INTU: variants seen among roughly 807,000 people sequenced by gnomAD.
INTU encodes protein inturned.
INTU carries 68 observed loss-of-function variants against 100.5 expected under a neutral mutation model. That is an observed-to-expected ratio of 0.68 (90% CI 0.56 to 0.83). INTU has a LOEUF of 0.83. INTU is among the 40% of genes least tolerant of loss of function. The pLI is 0.00. For missense variants in INTU, 1,071 were observed against 1,114.7 expected (o/e 0.96, Z 0.56); for synonymous variants, 357 against 395.7 (o/e 0.90, Z 1.16).
chr4:127,713,279 A>G (rs1294799685), intron 14 of INTU, among the ~76,000 whole-genome samples: 1 of 152,160 alleles, frequency 6.6e-6, no homozygotes, highest in African/African-American at 2.4e-5. Context: ...TGGACTGTGG[A>G]TATATTTTGG....
At position 127,669,045 on chromosome 4, in the gene INTU, C is replaced by T. The variant is rs149126116; in HGVS notation, c.982C>T (p.Leu328Phe). ...TTGTTTCATTTAACAGCAGGAAATTCTTTATCATTATCCAATGTCTGAAGC... is the reference window on the plus strand; with the variant it reads ...TTGTTTCATTTAACAGCAGGAAATTTTTTATCATTATCCAATGTCTGAAGC... ...SETSKEEQEI[L>F]YHYPMSEASQ... Residue 328 changes from leucine (L) to phenylalanine (F), a missense_variant, in exon 5 of 16, where the codon CTT becomes TTT. Leu to Phe is a conservative substitution (Grantham distance 22). Coordinates refer to ENST00000335251, the MANE Select transcript of INTU (RefSeq NM_015693.4). 2 of 1,450,892 alleles carry T rather than the reference C, an allele frequency of 1.4e-6. No individual in the cohort carries two copies. Among genetic ancestry groups the T allele is most frequent in the Non-Finnish European group, 1.9e-6 (2 of 1,062,848 alleles). The allele number at this position is 1,450,892 out of a possible 1,614,324, so 89.9% of individuals were successfully genotyped here. A position where few individuals can be genotyped will look rare whatever the true frequency, so the allele number is the denominator to read the frequency against.
At chr4:127,688,206 CA>C (rs80107806) in intron 8 of INTU, among the ~76,000 whole-genome samples, 1,432 of 114,944 alleles carry the variant, frequency 0.012, 20 homozygotes, top group African/African-American at 0.035. Context: ...TGTTTCTGTA[CA>C]AAAAAAAAAA....
chr4:127,635,192 T>C (rs1374025607), intron 1 of INTU, among the ~76,000 whole-genome samples: 1 of 152,182 alleles, frequency 6.6e-6, no homozygotes, highest in Non-Finnish European at 1.5e-5. Flanking sequence ...GAGATAAAAT[T>C]ACATTATGGT....
At chr4:127,678,371 A>T (rs1197939282) in intron 6 of INTU, among the ~76,000 whole-genome samples, 1 of 152,224 alleles carries the variant, frequency 6.6e-6, no homozygotes, top group African/African-American at 2.4e-5. Context: ...GTTACCCACA[A>T]AGGGAAGCCC....
At position 127,706,557 on chromosome 4, in the gene INTU, C is replaced by G. The variant is rs150996112; in HGVS notation, c.1859C>G (p.Pro620Arg). 1 of 1,613,802 alleles carries G rather than the reference C, an allele frequency of 6.2e-7. No individual in the cohort carries two copies. Among genetic ancestry groups the G allele is most frequent in the African/African-American group, 1.3e-5 (1 of 74,878 alleles). ...CASKAIGSPG[P>R]DCVYVDQVKT... ...TCCAAAGCTATTGGGAGTCCTGGAC[C>G]AGACTGTGTATATGTGGATCAAGTC... The change falls in exon 12 of 16, where the codon CCA becomes CGA. Residue 620 changes from proline (P) to arginine (R), a missense_variant. Transcript: ENST00000335251.
At chr4:127,644,365 A>G (rs961281697) in intron 2 of INTU, among the ~76,000 whole-genome samples, 4 of 152,204 alleles carry the variant, frequency 2.6e-5, no homozygotes, top group Non-Finnish European at 4.4e-5. Context: ...AAGAAAAAAA[A>G]CGTTGATCAT....
intron 7 of INTU, chr4:127,686,764 G>A (rs957822600): frequency 2.0e-5 from 3 of 152,258 alleles, no homozygotes; most frequent in African/African-American, 7.2e-5. Context: ...TAGAACATAA[G>A]CTTCATGGGA....
At chr4:127,640,363 T>C (rs955502148) in intron 1 of INTU, among the ~76,000 whole-genome samples, 1 of 151,354 alleles carries the variant, frequency 6.6e-6, no homozygotes, top group African/African-American at 2.4e-5. Flanking sequence ...TGTGTGGGGG[T>C]CTCTTATTTA....
At chr4:127,712,606 A>G (rs1731133844) in intron 14 of INTU, among the ~76,000 whole-genome samples, 1 of 152,180 alleles carries the variant, frequency 6.6e-6, no homozygotes, top group Non-Finnish European at 1.5e-5. Flanking sequence ...TAGTATGCTG[A>G]GAAGAATCAG....
intron 8 of INTU, among the ~76,000 whole-genome samples, chr4:127,691,663 G>A (rs950035340): frequency 9.2e-5 from 14 of 151,660 alleles, no homozygotes; most frequent in African/African-American, 3.2e-4. Context: ...GTCCATTAGT[G>A]GCAATTTCTG....
chr4:127,670,463 C>A (rs1233389086), intron 5 of INTU, among the ~76,000 whole-genome samples: 2 of 151,840 alleles, frequency 1.3e-5, no homozygotes, highest in Non-Finnish European at 2.9e-5. Flanking sequence ...AGTTTATTTT[C>A]AATACAGTAG....
intron 1 of INTU, among the ~76,000 whole-genome samples, chr4:127,635,543 A>G (rs972192813): frequency 3.3e-5 from 5 of 152,256 alleles, no homozygotes; most frequent in Non-Finnish European, 5.9e-5. Flanking sequence ...GGAGAGAAAC[A>G]GGAATCATTT....
At chr4:127,687,331 T>C (rs753871619) in intron 7 of INTU, 1 of 154,910 alleles carries the variant, frequency 6.5e-6, no homozygotes, top group Non-Finnish European at 1.4e-5. Context: ...TTTCAGGAGT[T>C]GTAAATGGTT....
At chr4:127,706,341 A>T (rs555985234) in intron 11 of INTU, 146 bp from the exon 12 acceptor site, 4 of 676,900 alleles carry the variant, frequency 5.9e-6, no homozygotes, top group African/African-American at 1.8e-5. Context: ...ACCAAAAAGG[A>T]AAGATGACGG....
At chr4:127,701,548 A>C (rs1352219460) in intron 9 of INTU, among the ~76,000 whole-genome samples, 2 of 152,172 alleles carry the variant, frequency 1.3e-5, no homozygotes, top group African/African-American at 2.4e-5. Flanking sequence ...TATGTATTTT[A>C]AGATTCCTTC....
At chr4:127,635,594 T>G (rs191702248) in intron 1 of INTU, among the ~76,000 whole-genome samples, 1 of 152,240 alleles carries the variant, frequency 6.6e-6, no homozygotes, top group African/African-American at 2.4e-5. Context: ...AACTTCCACC[T>G]AAAACACAAG....
chr4:127,719,775 T>G lies in INTU; in HGVS notation c.*3339T>G, dbSNP rs934231834. On this transcript the variant is annotated 3_prime_UTR_variant, in exon 16 of 16. Coordinates refer to ENST00000335251, the MANE Select transcript of INTU (RefSeq NM_015693.4). ...ATTTTCGAGTTTATTTGCACCGAGCTGTTATAGTATTGTCTGATGGTTGTT... is the reference window on the plus strand; with the variant it reads ...ATTTTCGAGTTTATTTGCACCGAGCGGTTATAGTATTGTCTGATGGTTGTT... 6.6e-6 allele frequency: 1 copy of G among 152,176 alleles called. No individual in the cohort carries two copies. The highest frequency in any genetic ancestry group is 2.4e-5 in the African/African-American group (1 of 41,440). 9.4% of individuals were successfully genotyped at this position (152,176 alleles called of 1,614,324 possible).
chr4:127,642,518 G>C (rs779693691), intron 1 of INTU, among the ~76,000 whole-genome samples: 2 of 152,162 alleles, frequency 1.3e-5, no homozygotes, highest in Non-Finnish European at 1.5e-5. Flanking sequence ...AATAAACACT[G>C]CAGAAAACAG....
At chr4:127,669,319 T>C (rs1728824103) in intron 5 of INTU, among the ~76,000 whole-genome samples, 165 bp downstream of exon 5, 1 of 151,836 alleles carries the variant, frequency 6.6e-6, no homozygotes, top group African/African-American at 2.4e-5. Context: ...TATATATCTA[T>C]ACATTATAGA....
Sources: allele counts gnomAD v4.1 joint callset (sites outside exome capture counted in the v4.1 genomes callset), GRCh38; gene constraint gnomAD v4.1.1; transcripts MANE v1.5; gene names NCBI Gene and HGNC (gene_info 2026-07-23, HGNC 2026-07-21).